Variants in RPA3 observed in about 807,000 individuals in gnomAD.
The protein encoded by RPA3 is replication protein A 14 kDa subunit.
Under a neutral mutation model 13.7 loss-of-function variants are expected in RPA3, and 24 were observed. The ratio of observed to expected loss-of-function variants is 1.75; its 90% CI spans 1.27 to 2.46. The LOEUF (loss-of-function observed/expected upper bound fraction) is 2.46. Among genes scored for constraint, RPA3 ranks in the 30% most tolerant of loss-of-function variants. The pLI is 0.00. For synonymous variants in RPA3, 59 were observed against 51.2 expected, an observed-to-expected ratio of 1.15 and a Z score of -0.65; for missense variants, 183 against 151.0, an observed-to-expected ratio of 1.21 and a Z score of -1.11.
At chr7:7,693,860 G>A (rs1480998987) in intron 2 of RPA3, among the ~76,000 whole-genome samples, 1 of 152,018 alleles carries the variant, frequency 6.6e-6, no homozygotes, top group Non-Finnish European at 1.5e-5. Context: ...TTTTTCCTCT[G>A]TGGTGGGTTT....
At chr7:7,696,081 C>T (rs1780309980) in intron 2 of RPA3, among the ~76,000 whole-genome samples, 1 of 150,006 alleles carries the variant, frequency 6.7e-6, no homozygotes, top group Non-Finnish European at 1.5e-5. Flanking sequence ...TCACAGCTCA[C>T]TGCAGCCTCT....
chr7:7,692,236 G>A (rs1389267482), intron 2 of RPA3: 3 of 152,328 alleles, frequency 2.0e-5, no homozygotes, highest in East Asian at 3.8e-4. Flanking sequence ...GGGTGATGGG[G>A]AGGTATAGTC....
At chr7:7,656,474 A>C (rs996727702) in intron 4 of RPA3, among the ~76,000 whole-genome samples, 6 of 151,782 alleles carry the variant, frequency 4.0e-5, no homozygotes, top group African/African-American at 1.5e-4. Context: ...CTAGCCTTCC[A>C]CCCCATGACA....
At chr7:7,669,043 A>G (rs1459384577) in intron 4 of RPA3, among the ~76,000 whole-genome samples, 1 of 151,896 alleles carries the variant, frequency 6.6e-6, no homozygotes, top group Non-Finnish European at 1.5e-5. Context: ...GAATGGGCCA[A>G]CTCTACACAT....
intron 2 of RPA3, among the ~76,000 whole-genome samples, chr7:7,708,384 T>A (rs1023251748): frequency 6.6e-6 from 1 of 152,200 alleles, no homozygotes; most frequent in Non-Finnish European, 1.5e-5. Context: ...TAGAGAGATA[T>A]ATATTATAAA....
chr7:7,670,237 G>A lies in RPA3; in HGVS notation c.-758+15593C>T, dbSNP rs76699702. Among the ~76,000 whole-genome samples the A allele has an allele frequency of 3.2e-4, 49 of 152,306 alleles. No homozygotes were observed. The East Asian group carries it at 9.4e-3, about 29-fold the overall frequency. ...TTAAAACTACTTTTGTGATATCCGT[G>A]TTTGTTCCATTTCTGACTTGTGGCC... On this transcript the variant is annotated intron_variant, in intron 4 of 7. Transcript: ENST00000223129.
chr7:7,647,989 T>C lies in RPA3; in HGVS notation c.-757-6814A>G, dbSNP rs532828979. Reference sequence around the variant, plus strand: ...TGGTTAGAATTTATTTGTCTTATCGTTTTCCATCCTATATCTCACCTAGGG... The same window carrying C: ...TGGTTAGAATTTATTTGTCTTATCGCTTTCCATCCTATATCTCACCTAGGG... On this transcript the variant is annotated intron_variant, in intron 4 of 7. Coordinates refer to ENST00000223129, the MANE Select transcript of RPA3 (RefSeq NM_002947.5). Among the ~76,000 whole-genome samples the C allele has an allele frequency of 2.6e-5, 4 of 152,292 alleles. No homozygotes were observed. In the East Asian group the frequency reaches 7.7e-4, roughly 29 times the overall value.
chr7:7,659,572 C>A (rs1222614590), intron 4 of RPA3, among the ~76,000 whole-genome samples: 1 of 152,146 alleles, frequency 6.6e-6, no homozygotes, highest in Non-Finnish European at 1.5e-5. Flanking sequence ...ACCCAGTAGT[C>A]ATACAGGAGC....
chr7:7,645,837 T>C (rs530702270), intron 4 of RPA3, among the ~76,000 whole-genome samples: 10 of 151,804 alleles, frequency 6.6e-5, no homozygotes, highest in Admixed American at 3.3e-4. Flanking sequence ...TTTTAATCTA[T>C]GTTCATGAGT....
At chr7:7,654,672 G>A (rs1785300089) in intron 4 of RPA3, among the ~76,000 whole-genome samples, 1 of 152,156 alleles carries the variant, frequency 6.6e-6, no homozygotes, top group African/African-American at 2.4e-5. Context: ...GGAGCACAAG[G>A]TGGGCTGATC....
intron 4 of RPA3, among the ~76,000 whole-genome samples, chr7:7,675,240 T>G (rs1017074875): frequency 6.6e-6 from 1 of 152,192 alleles, no homozygotes; most frequent in Admixed American, 6.5e-5. Flanking sequence ...AGGCTGTAAG[T>G]TGGGTGTACT....
chr7:7,665,708 C>G (rs1272498462), intron 4 of RPA3, among the ~76,000 whole-genome samples: 3 of 152,160 alleles, frequency 2.0e-5, no homozygotes, highest in African/African-American at 7.2e-5. Flanking sequence ...CCTCCCCTCC[C>G]CAGGCAACCT....
chr7:7,706,426 C>T (rs1007254861), intron 2 of RPA3, among the ~76,000 whole-genome samples: 1 of 152,126 alleles, frequency 6.6e-6, no homozygotes. Context: ...GGGAACTGTA[C>T]TAGGTTCAGT....
At chr7:7,652,638 T>C (rs1468222259) in intron 4 of RPA3, among the ~76,000 whole-genome samples, 1 of 152,190 alleles carries the variant, frequency 6.6e-6, no homozygotes, top group Non-Finnish European at 1.5e-5. Flanking sequence ...GTTAATTCCG[T>C]GAATTTGGAG....
chr7:7,667,323 G>C (rs1779490669), intron 4 of RPA3, among the ~76,000 whole-genome samples: 1 of 152,184 alleles, frequency 6.6e-6, no homozygotes, highest in Non-Finnish European at 1.5e-5. Context: ...TACAGAGAAG[G>C]AAATGAGACT....
intron 1 of RPA3, among the ~76,000 whole-genome samples, chr7:7,717,575 A>AT (rs1383945085): frequency 1.3e-5 from 2 of 152,160 alleles, no homozygotes; most frequent in Non-Finnish European, 2.9e-5. Context: ...ACTTTAACTG[A>AT]TTTTTTTATT....
chr7:7,703,690 A>G (rs1780523983), intron 2 of RPA3, among the ~76,000 whole-genome samples: 1 of 152,170 alleles, frequency 6.6e-6, no homozygotes, highest in Non-Finnish European at 1.5e-5. Flanking sequence ...CAGACATCTC[A>G]GCACTTTGGG....
chr7:7,639,141 GA>G lies in RPA3; in HGVS notation c.102del (p.His35IlefsTer21), dbSNP rs1282963307. ...AGAATAAACATTTTTCCGGTGGGAT[GA>G]ATCTAAAAACGAAACATATAATTAA... ...PVCFVGRLEK[I>X]HPTGKMFILS... is the part of the protein sequence containing the mutation. On this transcript the variant is annotated frameshift_variant and splice_region_variant, in exon 6 of 8. Transcript: ENST00000223129. LOFTEE classifies it high-confidence loss of function. 1.9e-6 allele frequency: 3 copies of G among 1,608,590 alleles called. No individual in the cohort carries two copies. The highest frequency in any genetic ancestry group is 2.7e-5 in the African/African-American group (2 of 74,722).
At chr7:7,681,063 T>C (rs1281110824) in intron 4 of RPA3, among the ~76,000 whole-genome samples, 1 of 152,180 alleles carries the variant, frequency 6.6e-6, no homozygotes, top group African/African-American at 2.4e-5. Flanking sequence ...TGTTGATGTC[T>C]AAATGATAAA....
Sources: allele counts gnomAD v4.1 joint callset (sites outside exome capture counted in the v4.1 genomes callset), GRCh38; gene constraint gnomAD v4.1.1; transcripts MANE v1.5; gene names NCBI Gene and HGNC (gene_info 2026-07-23, HGNC 2026-07-21).